The following ELMO1 variants were observed in gnomAD, a reference collection of about 807,000 sequenced individuals.
ELMO1 encodes the protein engulfment and cell motility 1, also known as engulfment and cell motility protein 1.
In ELMO1, 26 loss-of-function variants were observed where a neutral mutation model predicts 98.9. That is an observed-to-expected ratio of 0.26 (90% CI 0.19 to 0.36). The LOEUF (loss-of-function observed/expected upper bound fraction) is 0.36, where lower values mean the gene tolerates loss of function less well. Ranked by LOEUF, ELMO1 falls within the 10% of genes least tolerant of loss-of-function variation. ELMO1 has a pLI of 1.00. For missense variants in ELMO1, 627 were observed against 935.2 expected (o/e 0.67, Z 4.30); for synonymous variants, 346 against 346.0 (o/e 1.00, Z 0.00).
intron 13 of ELMO1, among the ~76,000 whole-genome samples, chr7:37,149,050 G>T (rs1022008320): frequency 6.6e-6 from 1 of 152,196 alleles, no homozygotes; most frequent in Non-Finnish European, 1.5e-5. Context: ...GCAGCCTCTG[G>T]TGAGGAACGA....
intron 13 of ELMO1, among the ~76,000 whole-genome samples, chr7:37,145,919 C>T (rs1323027502): frequency 6.6e-6 from 1 of 152,264 alleles, no homozygotes; most frequent in Non-Finnish European, 1.5e-5. Context: ...TCTAGGAACT[C>T]TGTCAAATGA....
chr7:37,433,354 G>A (rs574083758), intron 1 of ELMO1, among the ~76,000 whole-genome samples: 1 of 152,308 alleles, frequency 6.6e-6, no homozygotes, highest in South Asian at 2.1e-4. Context: ...AACAGAGTGT[G>A]AAAGCACAAT....
chr7:37,020,443 T>C (rs751357709), intron 15 of ELMO1, among the ~76,000 whole-genome samples: 3 of 152,240 alleles, frequency 2.0e-5, no homozygotes, highest in African/African-American at 7.2e-5. Flanking sequence ...ATTTATTCTT[T>C]CTTTCGTAAG....
At chr7:37,214,047 G>GA (rs958378202) in intron 11 of ELMO1, among the ~76,000 whole-genome samples, 34 of 152,286 alleles carry the variant, frequency 2.2e-4, no homozygotes, top group African/African-American at 7.2e-4. Flanking sequence ...ACAATTAAAT[G>GA]AAAGATAAAA....
intron 16 of ELMO1, among the ~76,000 whole-genome samples, chr7:36,950,684 G>T (rs148150607): frequency 2.6e-5 from 4 of 152,224 alleles, no homozygotes; most frequent in Non-Finnish European, 4.4e-5. Flanking sequence ...TTTCTCAAAT[G>T]TTCACTGCAC....
At chr7:37,082,601 T>C (rs1436427742) in intron 15 of ELMO1, among the ~76,000 whole-genome samples, 1 of 152,004 alleles carries the variant, frequency 6.6e-6, no homozygotes, top group Non-Finnish European at 1.5e-5. Flanking sequence ...TGTAGTGGCA[T>C]GTGTCTGTGG....
chr7:36,990,155 G>A (rs956798925), intron 16 of ELMO1, among the ~76,000 whole-genome samples: 4 of 152,148 alleles, frequency 2.6e-5, no homozygotes, highest in Non-Finnish European at 5.9e-5. Flanking sequence ...CTTGTCCAGC[G>A]GTTTTGTTAT....
At chr7:36,989,337 T>A (rs1791716881) in intron 16 of ELMO1, among the ~76,000 whole-genome samples, 1 of 152,184 alleles carries the variant, frequency 6.6e-6, no homozygotes, top group Non-Finnish European at 1.5e-5. Flanking sequence ...TTAAGTGTGA[T>A]CCACAAGGAT....
In ELMO1 at chr7:36,952,426, C is replaced by G. The variant is rs551407027; in HGVS notation, c.1438-57409G>C. On this transcript the variant is annotated intron_variant, in intron 16 of 21. Transcript: ENST00000310758. ...TCCAAGAGCAAGCGGGGCGGGGAGA[C>G]GAGCACAGTGAAAGAAGACACTAAT... 3.7e-3 allele frequency among the ~76,000 whole-genome samples: 564 copies of G among 152,172 alleles called. 5 individuals are homozygous for G. Among genetic ancestry groups the G allele is most frequent in the African/African-American group, 0.013 (539 of 41,502 alleles).
At chr7:36,895,130 AGC>A in intron 16 of ELMO1, 113 bp from the exon 17 acceptor site, 9 of 1,217,234 alleles carry the variant, frequency 7.4e-6, no homozygotes, top group South Asian at 1.5e-5. Flanking sequence ...ACGCATGCTC[AGC>A]ATTAACCTTG....
chr7:37,183,605 G>A (rs1791017970), intron 13 of ELMO1, among the ~76,000 whole-genome samples: 1 of 152,102 alleles, frequency 6.6e-6, no homozygotes, highest in South Asian at 2.1e-4. Flanking sequence ...TCTCTATAAA[G>A]CACAACAGCA....
At position 36,855,745 on chromosome 7, in the gene ELMO1, T is replaced by C. The variant is rs1435243015; in HGVS notation, c.1990A>G (p.Ile664Val). 1.9e-6 allele frequency: 3 copies of C among 1,613,926 alleles called. No homozygotes were observed. The highest frequency in any genetic ancestry group is 2.5e-6 in the Non-Finnish European group (3 of 1,179,918). Residue 664 changes from isoleucine (I) to valine (V), a missense_variant, in exon 22 of 22, where the codon ATC becomes GTC. Around this residue, in one of 3 missense-constraint regions of ELMO1, gnomAD observed 492 missense variants for 715.6 expected, o/e 0.69. Coordinates refer to ENST00000310758, the MANE Select transcript of ELMO1 (RefSeq NM_014800.11). The surrounding 1 kb of genome is among the most constrained non-coding windows in gnomAD (Gnocchi z 4.2). ...FIAPDKHEYCIWTDGLNALLG... is the reference protein window; with the variant it reads ...FIAPDKHEYCVWTDGLNALLG... ...AGCGCATTCAGTCCATCCGTCCAGA[T>C]ACAGTACTGGCAGGAAGGGAGGCAA...
intron 1 of ELMO1, among the ~76,000 whole-genome samples, chr7:37,357,522 G>T (rs1801538712): frequency 6.6e-6 from 1 of 152,156 alleles, no homozygotes; most frequent in Non-Finnish European, 1.5e-5. Flanking sequence ...CAGAACCTCA[G>T]AATGTTTCTC....
In ELMO1 at chr7:36,867,916, G is replaced by A. The variant is rs13437935; in HGVS notation, c.1905+2477C>T. Among the ~76,000 whole-genome samples the A allele has an allele frequency of 9.5e-3, 1,448 of 152,074 alleles. 22 individuals are homozygous for A. Among genetic ancestry groups the A allele is most frequent in the African/African-American group, 0.033 (1,356 of 41,476 alleles). ...TTAAATTTTTTAAGACATGCTTTAC[G>A]GTCCAAAATGTGGTCTATCTTGGTG... On this transcript the variant is annotated intron_variant, in intron 20 of 21. Coordinates refer to ENST00000310758, the MANE Select transcript of ELMO1 (RefSeq NM_014800.11).
At chr7:36,885,243 C>T (rs1286843017) in intron 18 of ELMO1, among the ~76,000 whole-genome samples, 2 of 152,020 alleles carry the variant, frequency 1.3e-5, no homozygotes, top group African/African-American at 4.8e-5. Context: ...AATCTAGATG[C>T]TAATATTTTT....
Position 37,113,407 on chromosome 7 carries a change from A to C in ELMO1, c.1192-16680T>G, listed in dbSNP as rs1785373226. Among the ~76,000 whole-genome samples the C allele has an allele frequency of 1.3e-5, 2 of 152,242 alleles. 1 individual carries two copies. The highest frequency in any genetic ancestry group is 4.1e-4 in the South Asian group (2 of 4,834). ...AGAAAACAGTGAATATCGAGCATGTAAGAAACATTAAATTTTGAGAGAAAT... is the reference window on the plus strand; with the variant it reads ...AGAAAACAGTGAATATCGAGCATGTCAGAAACATTAAATTTTGAGAGAAAT... On this transcript the variant is annotated intron_variant, in intron 14 of 21. Transcript: ENST00000310758.
At chr7:37,128,942 C>T (rs1036048529) in intron 14 of ELMO1, among the ~76,000 whole-genome samples, 1 of 152,018 alleles carries the variant, frequency 6.6e-6, no homozygotes, top group African/African-American at 2.4e-5. Context: ...TGTGTGTCCA[C>T]GGTGCAAAGA....
chr7:37,177,491 G>T (rs1038160627), intron 13 of ELMO1, among the ~76,000 whole-genome samples: 28 of 152,174 alleles, frequency 1.8e-4, no homozygotes, highest in African/African-American at 6.3e-4. Context: ...TGTATTCTGA[G>T]AATAATTTGA....
chr7:36,930,097 T>C (rs1327553184), intron 16 of ELMO1, among the ~76,000 whole-genome samples: 1 of 151,992 alleles, frequency 6.6e-6, no homozygotes, highest in Non-Finnish European at 1.5e-5. Context: ...CACTGAGGAG[T>C]CATGAGCTCA....
Sources: allele counts gnomAD v4.1 joint callset (sites outside exome capture counted in the v4.1 genomes callset), GRCh38; gene constraint gnomAD v4.1.1; regional missense constraint gnomAD v4.1.1; non-coding constraint Gnocchi (gnomAD v3.1); transcripts MANE v1.5; gene names NCBI Gene and HGNC (gene_info 2026-07-23, HGNC 2026-07-21).